DOCK2: variants seen among roughly 807,000 people sequenced by gnomAD.
DOCK2 encodes the protein dedicator of cytokinesis 2.
DOCK2 carries 87 observed loss-of-function variants against 248.9 expected under a neutral mutation model. The observed-to-expected ratio is 0.35, with a 90% CI of 0.29 to 0.42. The LOEUF is 0.42. Ranked by LOEUF, DOCK2 falls within the 10% of genes least tolerant of loss-of-function variation. DOCK2 has a pLI of 1.00. For synonymous variants in DOCK2, 805 were observed against 821.6 expected (o/e 0.98, Z 0.35); for missense variants, 1,747 against 2,300.2 (o/e 0.76, Z 4.92).
chr5:170,029,960 A>G (rs6894426), intron 34 of DOCK2, among the ~76,000 whole-genome samples: 62,050 of 152,038 alleles, frequency 0.41, 13,430 homozygotes, highest in East Asian at 0.58. Flanking sequence ...CTAAACACTT[A>G]GAATGCAAAT....
intron 25 of DOCK2, among the ~76,000 whole-genome samples, chr5:169,771,561 G>A (rs1443295372): frequency 6.6e-6 from 1 of 152,158 alleles, no homozygotes; most frequent in Non-Finnish European, 1.5e-5. Context: ...GATTACAGGT[G>A]TGAGCCACCG....
intron 27 of DOCK2, among the ~76,000 whole-genome samples, chr5:169,978,020 A>G (rs938450359): frequency 2.0e-5 from 3 of 152,112 alleles, no homozygotes; most frequent in Admixed American, 6.5e-5. Context: ...CCTAGAAAGA[A>G]CTTTTCATCT....
chr5:169,882,004 C>T (rs1772682891), intron 27 of DOCK2, among the ~76,000 whole-genome samples: 1 of 152,066 alleles, frequency 6.6e-6, no homozygotes, highest in African/African-American at 2.4e-5. Flanking sequence ...TTCTCTTTGC[C>T]GAAAATGAAT....
At chr5:169,806,902 T>C (rs1413902720) in intron 26 of DOCK2, among the ~76,000 whole-genome samples, 2 of 127,004 alleles carry the variant, frequency 1.6e-5, no homozygotes, top group East Asian at 2.7e-4. Context: ...TTTTCACTGC[T>C]CAAGAAAATT....
chr5:169,667,863 G>A (rs1703788902), intron 2 of DOCK2, among the ~76,000 whole-genome samples: 1 of 152,216 alleles, frequency 6.6e-6, no homozygotes, highest in Admixed American at 6.5e-5. Context: ...AATAATTAGA[G>A]GCCACTGAAA....
chr5:169,843,339 C>T (rs73323970), intron 27 of DOCK2, among the ~76,000 whole-genome samples: 20,340 of 151,912 alleles, frequency 0.13, 1,698 homozygotes, highest in African/African-American at 0.24. Context: ...CTGGCTAACA[C>T]GGTGAAACCC....
At chr5:169,909,925 C>T (rs1426789112) in intron 27 of DOCK2, among the ~76,000 whole-genome samples, 2 of 152,186 alleles carry the variant, frequency 1.3e-5, no homozygotes, top group Admixed American at 6.5e-5. Context: ...CTCAGTCCCA[C>T]AATTGACCCT....
intron 22 of DOCK2, among the ~76,000 whole-genome samples, chr5:169,725,149 AT>A (rs1232482955): frequency 7.2e-5 from 11 of 152,198 alleles, no homozygotes; most frequent in Admixed American, 1.3e-4. Context: ...TATTAATGCC[AT>A]TTATTTCTGT....
intron 30 of DOCK2, among the ~76,000 whole-genome samples, chr5:170,002,107 AAAC>A (rs553240262): frequency 1.3e-3 from 197 of 152,342 alleles, no homozygotes; most frequent in Non-Finnish European, 2.1e-3. Flanking sequence ...GACAAAAAAC[AAAC>A]AACAACTAAA....
At chr5:170,061,419 A>G (rs1453297392) in intron 44 of DOCK2, among the ~76,000 whole-genome samples, 1 of 152,228 alleles carries the variant, frequency 6.6e-6, no homozygotes, top group Non-Finnish European at 1.5e-5. Context: ...TGCTGGGGGA[A>G]TGAAATGAGC....
chr5:170,028,281 G>C (rs1237937697), intron 34 of DOCK2, among the ~76,000 whole-genome samples: 1 of 152,164 alleles, frequency 6.6e-6, no homozygotes, highest in Non-Finnish European at 1.5e-5. Flanking sequence ...ACAGATGTTG[G>C]TCATGCCCTA....
In DOCK2 at chr5:170,008,754, G is replaced by A; in HGVS notation, c.3232+8G>A. ...ATATGTGGTACAAGCTTGGTGAGTA[G>A]GCACACACATCCAGATACTCACATC... On this transcript the variant is annotated splice_region_variant and intron_variant, in intron 32 of 51. Coordinates refer to ENST00000520908, the MANE Select transcript of DOCK2 (RefSeq NM_004946.3). 3.1e-6 allele frequency: 5 copies of A among 1,613,864 alleles called. No individual in the cohort carries two copies. Among genetic ancestry groups the A allele is most frequent in the Non-Finnish European group, 4.2e-6 (5 of 1,179,884 alleles).
Position 170,008,192 on chromosome 5 carries a change from CAAA to C in DOCK2, c.3073-302_3073-300del, listed in dbSNP as rs1561877740. Among the ~76,000 whole-genome samples the C allele has an allele frequency of 1.9e-3, 170 of 89,984 alleles. 2 individuals are homozygous for C. The highest frequency in any genetic ancestry group is 0.01 in the East Asian group (33 of 3,242). 59.0% of individuals were successfully genotyped at this position (89,984 alleles called of 152,430 possible). On this transcript the variant is annotated intron_variant, in intron 30 of 51. Coordinates refer to ENST00000520908, the MANE Select transcript of DOCK2 (RefSeq NM_004946.3). ...CAAAAAACAGAACAAAGCACAAGGA[CAAA>C]AACAACAACAACAACAACAACAACA...
chr5:169,811,492 C>G (rs1021392009), intron 26 of DOCK2, among the ~76,000 whole-genome samples: 1 of 152,164 alleles, frequency 6.6e-6, no homozygotes, highest in Non-Finnish European at 1.5e-5. Flanking sequence ...AATTAAGCCC[C>G]AAACCTGAGG....
At chr5:169,781,706 C>T (rs961270846) in intron 25 of DOCK2, among the ~76,000 whole-genome samples, 5 of 152,134 alleles carry the variant, frequency 3.3e-5, no homozygotes, top group African/African-American at 9.7e-5. Flanking sequence ...CATTGAGAGG[C>T]TTGTTAGAAC....
chr5:170,042,283 A>C, intron 38 of DOCK2, 151 bp downstream of exon 38: 8 of 1,046,852 alleles, frequency 7.6e-6, no homozygotes, highest in Non-Finnish European at 1.1e-5. Context: ...CTCCATCTCC[A>C]TTCCTTCCAC....
intron 30 of DOCK2, among the ~76,000 whole-genome samples, chr5:170,003,718 T>C (rs1349643473): frequency 2.6e-5 from 4 of 152,166 alleles, no homozygotes; most frequent in African/African-American, 9.7e-5. Context: ...ACCATGGAAA[T>C]TGTATGAGAC....
chr5:169,801,894 G>A (rs908773652), intron 25 of DOCK2, among the ~76,000 whole-genome samples: 3 of 150,020 alleles, frequency 2.0e-5, no homozygotes, highest in Non-Finnish European at 4.4e-5. Context: ...TCTGTACCTT[G>A]ATAAGGAGAG....
chr5:169,970,399 C>G (rs1777458705), intron 27 of DOCK2, among the ~76,000 whole-genome samples: 1 of 152,170 alleles, frequency 6.6e-6, no homozygotes, highest in African/African-American at 2.4e-5. Flanking sequence ...CTGGACAGCC[C>G]CCTGGCTGAA....
Sources: allele counts gnomAD v4.1 joint callset (sites outside exome capture counted in the v4.1 genomes callset), GRCh38; gene constraint gnomAD v4.1.1; transcripts MANE v1.5; gene names NCBI Gene and HGNC (gene_info 2026-07-23, HGNC 2026-07-21).